Variants in BRD10 observed in about 807,000 individuals in gnomAD.
BRD10 encodes the protein uncharacterized bromodomain-containing protein 10.
At chr9:5,947,919 G>C in the BRD10 span, among the ~76,000 whole-genome samples, 1 of 152,096 alleles carries the variant, frequency 6.6e-6, no homozygotes, top group African/African-American at 2.4e-5. Flanking sequence ...AAACGTATCT[G>C]AGGCACAGGG....
At chr9:5,997,228 C>G in the BRD10 span, among the ~76,000 whole-genome samples, 1 of 152,162 alleles carries the variant, frequency 6.6e-6, no homozygotes, top group African/African-American at 2.4e-5. Context: ...ATTACAGTGT[C>G]TACAGAAAAT....
At chr9:6,001,046 TC>T in the BRD10 span, among the ~76,000 whole-genome samples, 1 of 152,146 alleles carries the variant, frequency 6.6e-6, no homozygotes, top group Non-Finnish European at 1.5e-5. Context: ...TCCTCTCAGG[TC>T]CCCTAAGCAT....
chr9:5,989,360 G>C, the BRD10 span, among the ~76,000 whole-genome samples: 1 of 149,258 alleles, frequency 6.7e-6, no homozygotes, highest in Non-Finnish European at 1.5e-5. Flanking sequence ...ATGCTTGGGA[G>C]GTTGAGGCTG....
At chr9:5,931,678 A>C in the BRD10 span, among the ~76,000 whole-genome samples, 6 of 152,176 alleles carry the variant, frequency 3.9e-5, no homozygotes, top group Non-Finnish European at 8.8e-5. Flanking sequence ...ATGCTTATTA[A>C]ATCATTCTAT....
the BRD10 span, chr9:5,968,749 A>G: frequency 6.2e-7 from 1 of 1,613,800 alleles, no homozygotes; most frequent in African/African-American, 1.3e-5. Flanking sequence ...GTGGAATTGG[A>G]AATTCTGGGG....
the BRD10 span, chr9:5,892,459 G>T: frequency 3.1e-6 from 5 of 1,611,182 alleles, no homozygotes; most frequent in Non-Finnish European, 4.2e-6. Flanking sequence ...GGTGTCCTGT[G>T]CCCTGACCCT....
At chr9:5,944,372 G>A in the BRD10 span, among the ~76,000 whole-genome samples, 4 of 151,230 alleles carry the variant, frequency 2.6e-5, no homozygotes, top group Admixed American at 6.6e-5. Flanking sequence ...TAATTTAGAC[G>A]ATATAGTGAA....
chr9:5,935,281 A>G, the BRD10 span, among the ~76,000 whole-genome samples: 3 of 152,206 alleles, frequency 2.0e-5, no homozygotes, highest in Non-Finnish European at 4.4e-5. Context: ...TATATCCAAC[A>G]TTTCCATTAT....
the BRD10 span, chr9:5,968,172 T>C: frequency 1.2e-5 from 19 of 1,607,400 alleles, no homozygotes; most frequent in East Asian, 4.0e-4. Flanking sequence ...TTTTTTTTCT[T>C]TTTCTTCTTT....
the BRD10 span, among the ~76,000 whole-genome samples, chr9:5,991,290 T>C: frequency 2.0e-5 from 3 of 152,158 alleles, no homozygotes; most frequent in African/African-American, 2.4e-5. Flanking sequence ...TATCTGTACA[T>C]GCATCTAGTA....
the BRD10 span, among the ~76,000 whole-genome samples, chr9:5,936,623 G>C: frequency 1.3e-5 from 2 of 152,072 alleles, no homozygotes; most frequent in Admixed American, 1.3e-4. Flanking sequence ...TTTTTCTACA[G>C]AGTCTAGTAA....
the BRD10 span, among the ~76,000 whole-genome samples, chr9:5,930,369 T>TTTTATTTATATATATATATATATATATA: frequency 7.4e-6 from 1 of 135,544 alleles, no homozygotes; most frequent in African/African-American, 2.8e-5. Flanking sequence ...TATAAGGAGA[T>TTTTATTTATATATATATATATATATATA]TATATATATA....
At chr9:5,909,535 G>C in the BRD10 span, 1 of 152,312 alleles carries the variant, frequency 6.6e-6, no homozygotes, top group African/African-American at 2.4e-5. Flanking sequence ...TGGAATTACA[G>C]GCGTGAGCCA....
chr9:5,917,498 G>A, the BRD10 span, among the ~76,000 whole-genome samples: 13 of 152,338 alleles, frequency 8.5e-5, no homozygotes, highest in African/African-American at 2.9e-4. Flanking sequence ...AGATCACACA[G>A]AGCTATGAAG....
At chr9:5,992,946 A>C in the BRD10 span, among the ~76,000 whole-genome samples, 1 of 152,218 alleles carries the variant, frequency 6.6e-6, no homozygotes, top group Non-Finnish European at 1.5e-5. Flanking sequence ...TTGCTATCAA[A>C]AACAATGTAC....
the BRD10 span, among the ~76,000 whole-genome samples, chr9:5,972,633 C>G: frequency 8.5e-5 from 13 of 152,284 alleles, no homozygotes; most frequent in African/African-American, 3.1e-4. Context: ...TGTTACCTTT[C>G]TCACCACGTG....
At chr9:5,937,365 T>C in the BRD10 span, among the ~76,000 whole-genome samples, 4 of 151,478 alleles carry the variant, frequency 2.6e-5, no homozygotes, top group Non-Finnish European at 4.4e-5. Flanking sequence ...GGTGAAACCA[T>C]CTCTACTAAA....
the BRD10 span, among the ~76,000 whole-genome samples, chr9:5,914,280 C>G: frequency 6.6e-6 from 1 of 152,010 alleles, no homozygotes; most frequent in Admixed American, 6.6e-5. Flanking sequence ...CTGGAGGACA[C>G]CTGACCGTGT....
the BRD10 span, among the ~76,000 whole-genome samples, chr9:5,985,245 C>T: frequency 2.0e-5 from 3 of 152,074 alleles, no homozygotes; most frequent in African/African-American, 7.2e-5. Context: ...ATACCACACA[C>T]AAAAATTAAC....
Sources: allele counts gnomAD v4.1 joint callset (sites outside exome capture counted in the v4.1 genomes callset), GRCh38; gene constraint gnomAD v4.1.1; transcripts MANE v1.5; gene names NCBI Gene and HGNC (gene_info 2026-07-23, HGNC 2026-07-21).